The following AFF1 variants were observed in gnomAD, a reference collection of about 807,000 sequenced individuals.
The protein encoded by AFF1 is AF4/FMR2 family member 1.
A neutral mutation model predicts 121.7 loss-of-function variants in AFF1; 48 were observed. The observed-to-expected ratio is 0.39, with a 90% CI of 0.31 to 0.50. The LOEUF is 0.50. Among genes scored for constraint, AFF1 ranks in the 20% least tolerant of loss-of-function variants. The pLI is 0.76. For synonymous variants in AFF1, 613 were observed against 563.0 expected, an observed-to-expected ratio of 1.09 and a Z score of -1.26; for missense variants, 1,523 against 1,511.7, an observed-to-expected ratio of 1.01 and a Z score of -0.12.
chr4:86,985,152 TA>T (rs1181879998), intron 2 of AFF1, among the ~76,000 whole-genome samples: 1 of 29,330 alleles, frequency 3.4e-5, no homozygotes, highest in Non-Finnish European at 2.2e-4. Flanking sequence ...GCATAATATA[TA>T]AAAATATAAT....
chr4:86,986,228 C>T (rs980009840), intron 2 of AFF1, among the ~76,000 whole-genome samples: 9 of 151,914 alleles, frequency 5.9e-5, no homozygotes, highest in Non-Finnish European at 1.2e-4. Context: ...CCTGCCACCA[C>T]GCCCAGCTAA....
chr4:86,941,432 T>A (rs1313875330), intron 1 of AFF1, among the ~76,000 whole-genome samples: 1 of 152,018 alleles, frequency 6.6e-6, no homozygotes, highest in Non-Finnish European at 1.5e-5. Flanking sequence ...CCAAGGCGGG[T>A]GGATCGCTTG....
chr4:87,119,581 AAAAT>A lies in AFF1; in HGVS notation c.2466+4286_2466+4289del, dbSNP rs775203671. Among the ~76,000 whole-genome samples the A allele has an allele frequency of 3.3e-5, 5 of 152,288 alleles. No individual in the cohort carries two copies. In the South Asian group the frequency reaches 6.2e-4, roughly 19 times the overall value. ...GTAAGACCCTGTCTCTAAAAAAAGA[AAAAT>A]AAACACGTAACGTGCATAGAGCTAC... On this transcript the variant is annotated intron_variant, in intron 12 of 20. Coordinates refer to ENST00000395146, the MANE Select transcript of AFF1 (RefSeq NM_001166693.3).
rs1209442999 is a variant in AFF1 at position 86,938,402 on chromosome 4, A to G, written c.-37+3162A>G. On this transcript the variant is annotated intron_variant, in intron 1 of 20. Transcript: ENST00000395146. ...GAGGCGGAGGTTGCAGTGAGCCGAGATTGCACTGCTGCACTCCAGCCTGGG... is the reference window on the plus strand; with the variant it reads ...GAGGCGGAGGTTGCAGTGAGCCGAGGTTGCACTGCTGCACTCCAGCCTGGG... Among the ~76,000 whole-genome samples, 3 of 147,342 alleles carry G rather than the reference A, an allele frequency of 2.0e-5. No homozygotes were observed. The Admixed American group carries it at 2.1e-4, about 10-fold the overall frequency.
intron 2 of AFF1, among the ~76,000 whole-genome samples, chr4:87,011,901 C>G (rs1039729738): frequency 1.8e-4 from 28 of 152,176 alleles, no homozygotes; most frequent in African/African-American, 6.5e-4. Context: ...CAAGTGATCT[C>G]TCGAGATTTT....
chr4:86,959,146 C>T (rs1234648612), intron 2 of AFF1, among the ~76,000 whole-genome samples: 1 of 152,182 alleles, frequency 6.6e-6, no homozygotes, highest in Non-Finnish European at 1.5e-5. Flanking sequence ...GATTGAGAAA[C>T]TGTCAGCCTA....
intron 2 of AFF1, among the ~76,000 whole-genome samples, chr4:87,042,589 T>G (rs1192646787): frequency 6.6e-6 from 1 of 152,210 alleles, no homozygotes; most frequent in African/African-American, 2.4e-5. Flanking sequence ...CTTATAGGGC[T>G]TTTAGTTGAA....
intron 11 of AFF1, among the ~76,000 whole-genome samples, chr4:87,109,906 TTA>T (rs1726289881): frequency 6.6e-6 from 1 of 152,236 alleles, no homozygotes; most frequent in African/African-American, 2.4e-5. Context: ...ACAGTATGTG[TTA>T]TATACTGAGG....
intron 2 of AFF1, among the ~76,000 whole-genome samples, chr4:87,040,564 CTTT>C (rs368321249): frequency 2.1e-5 from 3 of 142,456 alleles, no homozygotes; most frequent in African/African-American, 2.6e-5. Context: ...TCCCCTCACC[CTTT>C]TTTTTTTTTT....
At chr4:87,031,029 C>G (rs1295191230) in intron 2 of AFF1, among the ~76,000 whole-genome samples, 2 of 152,126 alleles carry the variant, frequency 1.3e-5, no homozygotes, top group Admixed American at 6.5e-5. Context: ...ATCGTTGTTT[C>G]AGGCTGAGGA....
intron 4 of AFF1, among the ~76,000 whole-genome samples, chr4:87,081,016 T>G (rs556141952): frequency 6.6e-6 from 1 of 152,236 alleles, no homozygotes; most frequent in African/African-American, 2.4e-5. Flanking sequence ...AACTTACTCT[T>G]AAACAGTTCA....
At chr4:87,088,322 C>T (rs1021850400) in intron 5 of AFF1, among the ~76,000 whole-genome samples, 1 of 152,338 alleles carries the variant, frequency 6.6e-6, no homozygotes. Context: ...GCATCACTTA[C>T]ATTACTCGTC....
intron 2 of AFF1, among the ~76,000 whole-genome samples, chr4:87,031,557 A>G (rs1016991103): frequency 1.3e-5 from 2 of 152,122 alleles, no homozygotes; most frequent in Non-Finnish European, 2.9e-5. Context: ...TTTACTGGAA[A>G]TCAGGGGCTT....
At chr4:87,099,704 C>G (rs576606923) in intron 8 of AFF1, among the ~76,000 whole-genome samples, 4 of 152,178 alleles carry the variant, frequency 2.6e-5, no homozygotes, top group Non-Finnish European at 5.9e-5. Context: ...CCACTGTGCC[C>G]GGCCCCCACA....
intron 2 of AFF1, chr4:87,007,359 G>T: frequency 6.2e-7 from 1 of 1,612,804 alleles, no homozygotes; most frequent in Non-Finnish European, 8.5e-7. Flanking sequence ...AGGGCCCGCG[G>T]GGTGAAGGCG....
chr4:87,001,889 C>T (rs1725754148), intron 2 of AFF1, among the ~76,000 whole-genome samples: 1 of 152,150 alleles, frequency 6.6e-6, no homozygotes, highest in South Asian at 2.1e-4. Flanking sequence ...GCACCCTTCT[C>T]TTGGCAAAGT....
intron 2 of AFF1, chr4:87,007,386 C>G (rs1399741022): frequency 1.2e-6 from 2 of 1,613,986 alleles, no homozygotes; most frequent in East Asian, 2.2e-5. Context: ...GACGGAAGAC[C>G]CCTGGCTCTA....
Position 87,136,082 on chromosome 4 carries a change from T to G in AFF1, c.*381T>G, listed in dbSNP as rs1729277987. ...AACTCTGAAAGTGAATTTCACGTCA[T>G]CTCAGTAGCCACGCTAGTCCATTCC... On this transcript the variant is annotated 3_prime_UTR_variant, in exon 21 of 21. Transcript: ENST00000395146. 1.2e-5 allele frequency: 3 copies of G among 243,744 alleles called. No homozygotes were observed. Among genetic ancestry groups the G allele is most frequent in the Non-Finnish European group, 2.4e-5 (3 of 125,594 alleles). The allele number at this position is 243,744 out of a possible 1,614,324, so 15.1% of individuals were successfully genotyped here.
At chr4:87,053,337 G>A (rs773038714) in intron 4 of AFF1, among the ~76,000 whole-genome samples, 26 of 152,104 alleles carry the variant, frequency 1.7e-4, no homozygotes, top group Non-Finnish European at 3.1e-4. Flanking sequence ...ATTCATTGTT[G>A]GACCACTTTG....
Sources: gnomAD v4.1 joint callset for allele counts (sites outside exome capture counted in the v4.1 genomes callset) on GRCh38, gnomAD v4.1.1 for gene constraint, MANE v1.5 for transcripts, NCBI Gene and HGNC (gene_info 2026-07-23, HGNC 2026-07-21) for gene names.